Variants in DPYS observed in about 807,000 individuals in gnomAD.
The protein encoded by DPYS is dihydropyrimidinase.
In DPYS, 39 loss-of-function variants were observed where a neutral mutation model predicts 50.3. The observed-to-expected ratio is 0.78, with a 90% CI of 0.60 to 1.01. DPYS has a LOEUF of 1.01. Ranked by LOEUF, DPYS falls within the 50% of genes least tolerant of loss-of-function variation. The probability of loss-of-function intolerance (pLI) is 0.00; values close to 1 mark genes in which losing one functional copy is unlikely to be tolerated. For missense variants in DPYS, 659 were observed against 680.9 expected (o/e 0.97, Z 0.36); for synonymous variants, 245 against 250.7 (o/e 0.98, Z 0.22).
intron 2 of DPYS, among the ~76,000 whole-genome samples, chr8:104,447,798 G>A (rs576100971): frequency 1.4e-4 from 22 of 152,196 alleles, no homozygotes; most frequent in African/African-American, 5.3e-4. Context: ...TCTATCTCCC[G>A]ATTTGAGGAA....
At chr8:104,413,535 A>G (rs1336978002) in intron 7 of DPYS, among the ~76,000 whole-genome samples, 3 of 152,064 alleles carry the variant, frequency 2.0e-5, no homozygotes, top group Admixed American at 6.6e-5. Context: ...TTTTAAAAAA[A>G]TTATGGACGT....
intron 8 of DPYS, among the ~76,000 whole-genome samples, chr8:104,392,465 C>T (rs1811420752): frequency 6.6e-6 from 1 of 152,152 alleles, no homozygotes; most frequent in South Asian, 2.1e-4. Flanking sequence ...TAATAAAACT[C>T]ATACACCTTT....
intron 4 of DPYS, among the ~76,000 whole-genome samples, chr8:104,441,178 GTAT>G (rs899658549): frequency 7.2e-5 from 11 of 152,296 alleles, no homozygotes; most frequent in Admixed American, 2.0e-4. Context: ...ATTTTCACAA[GTAT>G]TATACTGTCA....
At chr8:104,417,141 T>C (rs1812395557) in intron 7 of DPYS, among the ~76,000 whole-genome samples, 1 of 152,206 alleles carries the variant, frequency 6.6e-6, no homozygotes, top group African/African-American at 2.4e-5. Flanking sequence ...AAAATATGTC[T>C]GCTCGGCAGA....
intron 7 of DPYS, among the ~76,000 whole-genome samples, chr8:104,409,645 A>G (rs1013777337): frequency 6.6e-6 from 1 of 152,084 alleles, no homozygotes; most frequent in Non-Finnish European, 1.5e-5. Flanking sequence ...TATAAAAGTC[A>G]TTTACTTTGG....
At chr8:104,461,650 T>C (rs1764501639) in intron 1 of DPYS, among the ~76,000 whole-genome samples, 1 of 152,102 alleles carries the variant, frequency 6.6e-6, no homozygotes, top group Non-Finnish European at 1.5e-5. Flanking sequence ...AAAAATGAGT[T>C]TGAAACTTGA....
intron 1 of DPYS, among the ~76,000 whole-genome samples, chr8:104,464,474 G>A (rs989241899): frequency 6.6e-6 from 1 of 152,214 alleles, no homozygotes; most frequent in Non-Finnish European, 1.5e-5. Context: ...TCAGCTGTAA[G>A]AGGGAGAATG....
intron 7 of DPYS, among the ~76,000 whole-genome samples, chr8:104,405,803 G>T (rs1811977097): frequency 6.6e-6 from 1 of 152,220 alleles, no homozygotes; most frequent in African/African-American, 2.4e-5. Context: ...TCACCAGGGA[G>T]CACGCCTGAG....
chr8:104,462,106 T>G (rs559751566), intron 1 of DPYS, among the ~76,000 whole-genome samples: 1 of 152,196 alleles, frequency 6.6e-6, no homozygotes, highest in South Asian at 2.1e-4. Context: ...GTGCCAGCAT[T>G]TTTTTAAGGT....
At chr8:104,444,092 T>C (rs1308114299) in intron 4 of DPYS, among the ~76,000 whole-genome samples, 156 bp downstream of exon 4, 1 of 152,026 alleles carries the variant, frequency 6.6e-6, no homozygotes, top group Non-Finnish European at 1.5e-5. Context: ...CAGACACACA[T>C]AAGGATAAAT....
chr8:104,442,546 T>TTA (rs1813392557), intron 4 of DPYS, among the ~76,000 whole-genome samples: 1 of 152,198 alleles, frequency 6.6e-6, no homozygotes, highest in South Asian at 2.1e-4. Flanking sequence ...ATCGCAGTAC[T>TTA]TATATTTTCT....
chr8:104,432,097 T>A (rs529108765), intron 4 of DPYS, among the ~76,000 whole-genome samples: 34 of 152,302 alleles, frequency 2.2e-4, no homozygotes, highest in African/African-American at 8.2e-4. Flanking sequence ...CAACAACTCT[T>A]AGGAGAAAGG....
intron 1 of DPYS, among the ~76,000 whole-genome samples, chr8:104,463,435 T>A (rs914867192): frequency 2.0e-5 from 3 of 152,228 alleles, no homozygotes; most frequent in African/African-American, 4.8e-5. Flanking sequence ...CTGTCATCTA[T>A]CACTTGCCAC....
chr8:104,451,411 T>C lies in DPYS; in HGVS notation c.265-7A>G. On this transcript the variant is annotated splice_polypyrimidine_tract_variant and splice_region_variant and intron_variant, in intron 1 of 9. Transcript: ENST00000351513. ...TGCCTCCTGAGAGAGCAGCCTGGAATCATAAGAGGTTTTCAACAAATTAGC... is the reference window on the plus strand; with the variant it reads ...TGCCTCCTGAGAGAGCAGCCTGGAACCATAAGAGGTTTTCAACAAATTAGC... 1 of 1,614,078 alleles carries C rather than the reference T, an allele frequency of 6.2e-7. No individual in the cohort carries two copies. Among genetic ancestry groups the C allele is most frequent in the Non-Finnish European group, 8.5e-7 (1 of 1,179,990 alleles).
At chr8:104,398,850 G>C (rs575979781) in intron 7 of DPYS, among the ~76,000 whole-genome samples, 15 of 152,246 alleles carry the variant, frequency 9.9e-5, no homozygotes, top group African/African-American at 3.4e-4. Flanking sequence ...CTTGTAACTT[G>C]CCCAAAGTGG....
At chr8:104,419,928 T>C (rs981828593) in intron 7 of DPYS, 22 of 152,244 alleles carry the variant, frequency 1.4e-4, no homozygotes, top group African/African-American at 5.1e-4. Flanking sequence ...AAGTGTACCA[T>C]ACTAATGTAA....
At chr8:104,454,901 C>A (rs532837831) in intron 1 of DPYS, among the ~76,000 whole-genome samples, 1 of 152,256 alleles carries the variant, frequency 6.6e-6, no homozygotes, top group African/African-American at 2.4e-5. Context: ...ACAGCAAGTG[C>A]TGTGATGCTG....
chr8:104,416,296 T>A (rs992151334), intron 7 of DPYS, among the ~76,000 whole-genome samples: 1 of 152,192 alleles, frequency 6.6e-6, no homozygotes, highest in Non-Finnish European at 1.5e-5. Context: ...TTACTACCTG[T>A]ATCTATATCT....
chr8:104,436,273 AAC>A (rs1813143567), intron 4 of DPYS, among the ~76,000 whole-genome samples: 1 of 152,146 alleles, frequency 6.6e-6, no homozygotes, highest in African/African-American at 2.4e-5. Flanking sequence ...AGAAAACACA[AAC>A]AGCACACGCA....
Sources: allele counts gnomAD v4.1 joint callset (sites outside exome capture counted in the v4.1 genomes callset), GRCh38; gene constraint gnomAD v4.1.1; transcripts MANE v1.5; gene names NCBI Gene and HGNC (gene_info 2026-07-23, HGNC 2026-07-21).